NEK4: variants seen among roughly 807,000 people sequenced by gnomAD.
NEK4 encodes NIMA related kinase 4, also known as serine/threonine-protein kinase Nek4.
NEK4 carries 86 observed loss-of-function variants against 98.4 expected under a neutral mutation model. The ratio of observed to expected loss-of-function variants is 0.87; its 90% CI spans 0.73 to 1.05. The LOEUF is 1.05. Among genes scored for constraint, NEK4 ranks in the 50% least tolerant of loss-of-function variants. NEK4 has a pLI of 0.00. For synonymous variants in NEK4, 328 were observed against 342.2 expected (o/e 0.96, Z 0.46); for missense variants, 898 against 950.3 (o/e 0.94, Z 0.72).
At chr3:52,761,488 G>C (rs906162081) in intron 5 of NEK4, among the ~76,000 whole-genome samples, 1 of 152,056 alleles carries the variant, frequency 6.6e-6, no homozygotes, top group Non-Finnish European at 1.5e-5. Context: ...GTTTTGCCAT[G>C]TTGGCCAGGC....
In NEK4 at chr3:52,711,826, C is replaced by A. The variant is rs1228358452; in HGVS notation, c.2477G>T (p.Ser826Ile). The A allele has an allele frequency of 6.2e-7, 1 of 1,611,242 alleles. No individual in the cohort carries two copies. The highest frequency in any genetic ancestry group is 8.5e-7 in the Non-Finnish European group (1 of 1,178,462). ...AAATTTCAACTGGCGAGCTTTCACA[C>A]TGTAAGTTGTATACTTTTCACCCAT... ...EHMGEKYTTY[S>I]VKARQLKFFE... The change falls in exon 16 of 16, where the codon AGT becomes ATT. Residue 826 changes from serine (S) to isoleucine (I), a missense_variant. Transcript: ENST00000233027.
chr3:52,751,827 A>G (rs1229582634), intron 7 of NEK4, 105 bp downstream of exon 7: 6 of 1,117,270 alleles, frequency 5.4e-6, no homozygotes, highest in Admixed American at 2.3e-5. Flanking sequence ...AAACTGATAC[A>G]TAGAATTACT....
At chr3:52,760,436 T>G (rs886202381) in intron 6 of NEK4, among the ~76,000 whole-genome samples, 1 of 152,172 alleles carries the variant, frequency 6.6e-6, no homozygotes, top group Non-Finnish European at 1.5e-5. Context: ...AGGCTGGTCT[T>G]GAACTCCTGA....
chr3:52,737,449 C>A, intron 15 of NEK4, 137 bp downstream of exon 15: 2 of 846,414 alleles, frequency 2.4e-6, no homozygotes, highest in Non-Finnish European at 3.7e-6. Context: ...AATGACTGTA[C>A]AATGTTGTAA....
intron 15 of NEK4, among the ~76,000 whole-genome samples, chr3:52,735,857 C>T (rs935215559): frequency 7.9e-5 from 12 of 152,182 alleles, no homozygotes; most frequent in African/African-American, 2.7e-4. Context: ...TGTTTCTGAT[C>T]AAATAAATTG....
intron 15 of NEK4, among the ~76,000 whole-genome samples, chr3:52,736,714 T>C (rs2097376582): frequency 6.6e-6 from 1 of 152,188 alleles, no homozygotes. Flanking sequence ...ATGTTAATAT[T>C]ATGTGCTTTC....
At position 52,743,414 on chromosome 3, in the gene NEK4, G is replaced by C. The variant is rs2097390077; in HGVS notation, c.1942C>G (p.Pro648Ala). Residue 648 changes from proline (P) to alanine (A), a missense_variant, in exon 12 of 16, where the codon CCC becomes GCC. Physicochemically the swap from Pro to Ala is conservative, Grantham distance 27. Transcript: ENST00000233027. ...ASLSVAGPGK[P>A]QEEDQPLPAR... ...GGCAAGGGCTGGTCTTCTTCCTGGG[G>C]TTTTCCTGGCCCTGCTACACTCAGA... 1 of 1,614,018 alleles carries C rather than the reference G, an allele frequency of 6.2e-7. No individual in the cohort carries two copies. Among genetic ancestry groups the C allele is most frequent in the Admixed American group, 1.7e-5 (1 of 59,982 alleles).
In NEK4 at chr3:52,711,421, A is replaced by G. The variant is rs936535523; in HGVS notation, c.*356T>C. 6.1e-6 allele frequency: 1 copy of G among 163,068 alleles called. No homozygotes were observed. Among genetic ancestry groups the G allele is most frequent in the African/African-American group, 2.4e-5 (1 of 41,836 alleles). 10.1% of individuals were successfully genotyped at this position (163,068 alleles called of 1,614,324 possible). On this transcript the variant is annotated 3_prime_UTR_variant, in exon 16 of 16. Transcript: ENST00000233027. ...ACTGCTTTTATCTCTACATTACAAT[A>G]TAAAATTTTCAATCCAGCATTTTAT...
intron 8 of NEK4, among the ~76,000 whole-genome samples, chr3:52,748,087 G>A (rs1446762350): frequency 2.0e-5 from 3 of 151,652 alleles, no homozygotes. Context: ...AGCCTCCCGA[G>A]TAGCTGGGAC....
chr3:52,753,912 A>G (rs1267015197), intron 6 of NEK4: 2 of 338,880 alleles, frequency 5.9e-6, no homozygotes, highest in African/African-American at 2.2e-5. Context: ...GCTCACACCT[A>G]TAATCCCAGC....
intron 4 of NEK4, among the ~76,000 whole-genome samples, chr3:52,763,962 T>C (rs1698452467): frequency 1.3e-5 from 2 of 152,138 alleles, no homozygotes; most frequent in Admixed American, 6.5e-5. Flanking sequence ...CTTAGGGGAT[T>C]TGTGGAATAA....
chr3:52,758,954 G>C (rs914060450), intron 6 of NEK4, among the ~76,000 whole-genome samples: 2 of 151,982 alleles, frequency 1.3e-5, no homozygotes, highest in Non-Finnish European at 2.9e-5. Context: ...GCCAGGTATG[G>C]TGGCGTGCAC....
intron 15 of NEK4, among the ~76,000 whole-genome samples, chr3:52,736,371 G>C (rs1457344548): frequency 6.6e-6 from 1 of 152,146 alleles, no homozygotes; most frequent in African/African-American, 2.4e-5. Flanking sequence ...CAGATCATGA[G>C]GTCAGGAGAT....
intron 15 of NEK4, among the ~76,000 whole-genome samples, chr3:52,734,398 CAA>C (rs1402459931): frequency 2.1e-5 from 3 of 144,198 alleles, no homozygotes; most frequent in Non-Finnish European, 4.5e-5. Flanking sequence ...TGCGGTGAGC[CAA>C]TATCATGCCA....
intron 6 of NEK4, 129 bp downstream of exon 6, chr3:52,760,666 C>T: frequency 2.7e-6 from 2 of 730,852 alleles, no homozygotes; most frequent in Non-Finnish European, 2.3e-6. Flanking sequence ...TCTTTCTTTA[C>T]AGTAAGGAAT....
intron 6 of NEK4, among the ~76,000 whole-genome samples, chr3:52,754,956 CCCAGCTA>C (rs1282235765): frequency 6.6e-6 from 1 of 151,576 alleles, no homozygotes; most frequent in Non-Finnish European, 1.5e-5. Context: ...CGCCTGTAGT[CCCAGCTA>C]CTCGGGAGGC....
chr3:52,722,731 C>A (rs1041600259), intron 15 of NEK4, among the ~76,000 whole-genome samples: 1 of 151,772 alleles, frequency 6.6e-6, no homozygotes, highest in Non-Finnish European at 1.5e-5. Context: ...GGCGAAACCC[C>A]GTCTCTACAA....
In NEK4 at chr3:52,764,778, G is replaced by GCACACACACA. The variant is rs56827006; in HGVS notation, c.666+1099_666+1108dup. On this transcript the variant is annotated intron_variant, in intron 4 of 15. Transcript: ENST00000233027. ...CGTGCGCATGCACACACACACACAT[G>GCACACACACA]CACACACACACACACACACACACAC... is the stretch of plus-strand genomic sequence containing the variant. Among the ~76,000 whole-genome samples the GCACACACACA allele has an allele frequency of 3.4e-3, 500 of 145,116 alleles. 1 individual carries two copies. Among genetic ancestry groups the GCACACACACA allele is most frequent in the South Asian group, 0.015 (71 of 4,724 alleles).
In NEK4 at chr3:52,744,247, G is replaced by A. The variant is rs1462441719; in HGVS notation, c.1886C>T (p.Ser629Phe). 3 of 1,612,594 alleles carry A rather than the reference G, an allele frequency of 1.9e-6. No homozygotes were observed. Among genetic ancestry groups the A allele is most frequent in the Admixed American group, 3.3e-5 (2 of 60,010 alleles). ...RRLKQSQEEM[S>F]SSGPSVRKAS... ...AAAGAAGTCAACTTTACCTGAAGAG[G>A]ACATTTCTTCCTGTGACTGCTTTAG... The change falls in exon 11 of 16, where the codon TCC becomes TTC. Residue 629 changes from serine (S) to phenylalanine (F), a missense_variant. Physicochemically the swap from Ser to Phe is radical, Grantham distance 155. Coordinates refer to ENST00000233027, the MANE Select transcript of NEK4 (RefSeq NM_003157.6).
Sources: gnomAD v4.1 joint callset for allele counts (sites outside exome capture counted in the v4.1 genomes callset) on GRCh38, gnomAD v4.1.1 for gene constraint, MANE v1.5 for transcripts, NCBI Gene and HGNC (gene_info 2026-07-23, HGNC 2026-07-21) for gene names.